EPSTI1: variants seen among roughly 807,000 people sequenced by gnomAD.
EPSTI1 encodes the protein epithelial stromal interaction 1.
Under a neutral mutation model 49.9 loss-of-function variants are expected in EPSTI1, and 66 were observed. The observed-to-expected ratio is 1.32, with a 90% CI of 1.08 to 1.62. EPSTI1 has a LOEUF of 1.62. Ranked by LOEUF, EPSTI1 falls within the 40% of genes most tolerant of loss-of-function variation. The pLI is 0.00. For missense variants in EPSTI1, 394 were observed against 365.5 expected (o/e 1.08, Z -0.64); for synonymous variants, 137 against 130.7 (o/e 1.05, Z -0.33).
At chr13:42,917,453 G>A (rs773552657) in intron 8 of EPSTI1, 88 bp downstream of exon 8, 9 of 1,115,892 alleles carry the variant, frequency 8.1e-6, no homozygotes, top group African/African-American at 1.6e-5. Flanking sequence ...ATTTTCATGT[G>A]TCTAAATATT....
chr13:42,954,034 A>C lies in EPSTI1; in HGVS notation c.490-13T>G. ...CCAGTTTATTGCTCTGAAATTGCAAATATCAAAACATAACTTATTAAAGAT... is the reference window on the plus strand; with the variant it reads ...CCAGTTTATTGCTCTGAAATTGCAACTATCAAAACATAACTTATTAAAGAT... On this transcript the variant is annotated splice_polypyrimidine_tract_variant and intron_variant, in intron 5 of 10. Transcript: ENST00000313624. 6.2e-7 allele frequency: 1 copy of C among 1,600,872 alleles called. No individual in the cohort carries two copies. The highest frequency in any genetic ancestry group is 2.2e-5 in the East Asian group (1 of 44,838).
At chr13:42,893,989 G>T (rs1232673485) in intron 10 of EPSTI1, among the ~76,000 whole-genome samples, 1 of 152,184 alleles carries the variant, frequency 6.6e-6, no homozygotes, top group East Asian at 1.9e-4. Context: ...ATGCCAGAGT[G>T]TAACAAATGA....
intron 6 of EPSTI1, among the ~76,000 whole-genome samples, chr13:42,938,500 G>A (rs986772156): frequency 5.9e-5 from 9 of 152,060 alleles, no homozygotes; most frequent in African/African-American, 1.7e-4. Context: ...GTCACCATCT[G>A]CATTAGCCCC....
intron 7 of EPSTI1, among the ~76,000 whole-genome samples, chr13:42,925,331 T>C (rs868044529): frequency 1.3e-5 from 2 of 152,180 alleles, no homozygotes; most frequent in Non-Finnish European, 2.9e-5. Context: ...GCTCACAGAA[T>C]GGGGTTTAGG....
At chr13:42,939,711 GAA>G (rs2038689887) in intron 6 of EPSTI1, among the ~76,000 whole-genome samples, 1 of 152,144 alleles carries the variant, frequency 6.6e-6, no homozygotes, top group African/African-American at 2.4e-5. Flanking sequence ...TAATTATAAC[GAA>G]AAGTCTGAAA....
Position 42,922,033 on chromosome 13 carries a change from GA to G in EPSTI1, c.657+4302del, listed in dbSNP as rs2038015716. On this transcript the variant is annotated intron_variant, in intron 7 of 10. Coordinates refer to ENST00000313624, the MANE Select transcript of EPSTI1 (RefSeq NM_033255.5). The surrounding 1 kb of genome is among the most constrained non-coding windows in gnomAD (Gnocchi z 4.8). ...AATAAAATGTTTAAAGAGTTGTACAGAAGATATAACCAGAGTATACCGACTG... is the reference window on the plus strand; with the variant it reads ...AATAAAATGTTTAAAGAGTTGTACAGAGATATAACCAGAGTATACCGACTG... 6.6e-6 allele frequency among the ~76,000 whole-genome samples: 1 copy of G among 152,184 alleles called. No homozygotes were observed. The highest frequency in any genetic ancestry group is 2.4e-5 in the African/African-American group (1 of 41,442).
intron 9 of EPSTI1, among the ~76,000 whole-genome samples, chr13:42,899,108 G>A (rs1466362176): frequency 6.6e-6 from 1 of 151,530 alleles, no homozygotes; most frequent in Non-Finnish European, 1.5e-5. Context: ...TGAGGCAGGA[G>A]AGTCACTTGA....
At position 42,957,451 on chromosome 13, in the gene EPSTI1, C is replaced by T. The variant is rs763884979; in HGVS notation, c.490-3430G>A. 2.3e-4 allele frequency among the ~76,000 whole-genome samples: 35 copies of T among 152,086 alleles called. 1 individual carries two copies. Among genetic ancestry groups the T allele is most frequent in the Admixed American group, 4.6e-4 (7 of 15,272 alleles). On this transcript the variant is annotated intron_variant, in intron 5 of 10. Transcript: ENST00000313624. ...GGCCCAGCAGTATCAGAGGAGACCA[C>T]GGGATGGGATCTGGTAAGCATCAAT...
intron 8 of EPSTI1, among the ~76,000 whole-genome samples, chr13:42,910,058 A>C (rs2037620225): frequency 6.6e-6 from 1 of 152,310 alleles, no homozygotes; most frequent in South Asian, 2.1e-4. Context: ...TGAACATTAT[A>C]AACACAAATA....
At chr13:42,951,499 C>T (rs571272063) in intron 6 of EPSTI1, among the ~76,000 whole-genome samples, 144 of 152,280 alleles carry the variant, frequency 9.5e-4, no homozygotes, top group South Asian at 1.7e-3. Context: ...GAAGAAAGAG[C>T]AAGAGTGAAA....
intron 10 of EPSTI1, among the ~76,000 whole-genome samples, chr13:42,892,114 C>G (rs910551841): frequency 6.6e-6 from 1 of 152,098 alleles, no homozygotes; most frequent in Non-Finnish European, 1.5e-5. Flanking sequence ...AGCAAGAAAG[C>G]TGGTGTGGCT....
intron 7 of EPSTI1, among the ~76,000 whole-genome samples, chr13:42,924,382 A>G: frequency 6.6e-6 from 1 of 152,216 alleles, no homozygotes; most frequent in Non-Finnish European, 1.5e-5. Context: ...TCTGGGAAAC[A>G]TTGCTAATGC....
chr13:42,886,476 A>G lies in EPSTI1; in HGVS notation c.*2018T>C, dbSNP rs1486148041. The stretch of plus-strand genomic sequence containing the variant: ...AAAGTTTCTATAACAAACATCTTAC[A>G]TTGGAACGATTTTCTTGTTTTTATT... On this transcript the variant is annotated 3_prime_UTR_variant, in exon 11 of 11. Coordinates refer to ENST00000313624, the MANE Select transcript of EPSTI1 (RefSeq NM_033255.5). 1 of 152,128 alleles carries G rather than the reference A, an allele frequency of 6.6e-6. No individual in the cohort carries two copies. The highest frequency in any genetic ancestry group is 6.6e-5 in the Admixed American group (1 of 15,264). The allele number at this position is 152,128 out of a possible 1,614,324, so 9.4% of individuals were successfully genotyped here. A position where few individuals can be genotyped will look rare whatever the true frequency, so the allele number is the denominator to read the frequency against.
At position 42,963,272 on chromosome 13, in the gene EPSTI1, C is replaced by T; in HGVS notation, c.472G>A (p.Ala158Thr). Residue 158 changes from alanine to threonine, a missense_variant, in exon 5 of 11, where the codon GCA (alanine) becomes ACA (threonine). Physicochemically the swap from Ala to Thr is moderately conservative, Grantham distance 58. Coordinates refer to ENST00000313624, the MANE Select transcript of EPSTI1 (RefSeq NM_033255.5). ...CTCCTTACCTTCTCTCTCTGAATTG[C>T]CTTCATTTTTTGGAGTTCAGCTTCT... Reference protein sequence around the residue: ...AEEAELQKMKAIQREKSNKLE... With the variant: ...AEEAELQKMKTIQREKSNKLE... The T allele has an allele frequency of 6.2e-7, 1 of 1,613,348 alleles. No homozygotes were observed. The highest frequency in any genetic ancestry group is 1.1e-5 in the South Asian group (1 of 90,948).
At chr13:42,888,816 C>T (rs932631232) in intron 10 of EPSTI1, among the ~76,000 whole-genome samples, 2 of 152,144 alleles carry the variant, frequency 1.3e-5, no homozygotes, top group African/African-American at 4.8e-5. Flanking sequence ...TACACAGTTA[C>T]AGCAAGGACA....
intron 1 of EPSTI1, among the ~76,000 whole-genome samples, chr13:42,978,049 A>C (rs1188489027): frequency 1.3e-5 from 2 of 151,898 alleles, no homozygotes; most frequent in Non-Finnish European, 2.9e-5. Flanking sequence ...GCTACTTGGG[A>C]GGCTGAGGCA....
rs17621929 is a variant in EPSTI1, at chr13:42,917,735, C to G, written c.658-111G>C. The stretch of plus-strand genomic sequence containing the variant: ...GGCCCGGTGCTAATAACTCAACCTC[C>G]GTACTGAGCATATAGTAAGCTCTCC... On this transcript the variant is annotated intron_variant, in intron 7 of 10. Coordinates refer to ENST00000313624, the MANE Select transcript of EPSTI1 (RefSeq NM_033255.5). 207 of 715,140 alleles carry G rather than the reference C, an allele frequency of 2.9e-4. 1 individual carries two copies. The South Asian group carries it at 3.6e-3, about 12-fold the overall frequency. The allele number at this position is 715,140 out of a possible 1,614,324, so 44.3% of individuals were successfully genotyped here.
At chr13:42,900,973 T>C (rs1040724296) in intron 8 of EPSTI1, among the ~76,000 whole-genome samples, 1 of 152,164 alleles carries the variant, frequency 6.6e-6, no homozygotes, top group South Asian at 2.1e-4. Context: ...AACTAAATCT[T>C]TAGCTTCCAA....
intron 5 of EPSTI1, among the ~76,000 whole-genome samples, chr13:42,961,585 C>T (rs1239802867): frequency 6.6e-6 from 1 of 152,238 alleles, no homozygotes; most frequent in Non-Finnish European, 1.5e-5. Flanking sequence ...AGCTGGTTGA[C>T]TTTCACACCT....
Sources: gnomAD v4.1 joint callset for allele counts (sites outside exome capture counted in the v4.1 genomes callset) on GRCh38, gnomAD v4.1.1 for gene constraint, Gnocchi (gnomAD v3.1) non-coding constraint, MANE v1.5 for transcripts, NCBI Gene and HGNC (gene_info 2026-07-23, HGNC 2026-07-21) for gene names.